Variants in DNMT3B observed in about 807,000 individuals in gnomAD.
DNMT3B encodes the protein DNA (cytosine-5)-methyltransferase 3B.
In DNMT3B, 37 loss-of-function variants were observed where a neutral mutation model predicts 120.2. That is an observed-to-expected ratio of 0.31 (90% CI 0.24 to 0.40). The LOEUF is 0.40. DNMT3B is among the 10% of genes least tolerant of loss of function. The pLI is 1.00. For synonymous variants in DNMT3B, 412 were observed against 442.8 expected, an observed-to-expected ratio of 0.93 and a Z score of 0.87; for missense variants, 878 against 1,137.3, an observed-to-expected ratio of 0.77 and a Z score of 3.28.
At chr20:32,805,197 C>A in intron 20 of DNMT3B, 141 bp from the exon 21 acceptor site, 3 of 1,104,016 alleles carry the variant, frequency 2.7e-6, no homozygotes, top group Non-Finnish European at 4.1e-6. Context: ...TGTGCTCATG[C>A]CAGGATCATT....
At chr20:32,791,810 G>A in intron 8 of DNMT3B, 102 bp downstream of exon 8, 1 of 1,301,654 alleles carries the variant, frequency 7.7e-7, no homozygotes, top group Non-Finnish European at 1.1e-6. Context: ...GTTTGGAGGG[G>A]ACAGGGTGGC....
intron 16 of DNMT3B, 86 bp downstream of exon 16, chr20:32,799,414 C>T: frequency 6.8e-7 from 1 of 1,461,654 alleles, no homozygotes; most frequent in Non-Finnish European, 9.4e-7. Context: ...AGGTGTCTGA[C>T]ATCAGTGGCA....
At position 32,808,019 on chromosome 20, in the gene DNMT3B, TA is replaced by T; in HGVS notation, c.*117del. The T allele has an allele frequency of 6.4e-7, 1 of 1,568,400 alleles. No homozygotes were observed. Among genetic ancestry groups the T allele is most frequent in the Non-Finnish European group, 8.7e-7 (1 of 1,151,144 alleles). On this transcript the variant is annotated 3_prime_UTR_variant, in exon 23 of 23. Coordinates refer to ENST00000328111, the MANE Select transcript of DNMT3B (RefSeq NM_006892.4). Reference sequence around the variant, plus strand: ...CCTCAGCTGTGTGGGTCATACCGTGTACCTCAGTTCCCTCTTGCTCAGTGGG... The same window carrying T: ...CCTCAGCTGTGTGGGTCATACCGTGTCCTCAGTTCCCTCTTGCTCAGTGGG...
At chr20:32,787,134 C>CT in intron 5 of DNMT3B, 96 bp from the exon 6 acceptor site, 2 of 1,442,246 alleles carry the variant, frequency 1.4e-6, no homozygotes, top group Admixed American at 3.3e-5. Flanking sequence ...AGTCTTTCCT[C>CT]TTTCTTTTTG....
chr20:32,788,786 G>A, intron 6 of DNMT3B, 68 bp from the exon 7 acceptor site: 1 of 1,600,258 alleles, frequency 6.2e-7, no homozygotes, highest in Non-Finnish European at 8.6e-7. Flanking sequence ...AGGGACAGTG[G>A]AGTGGACAGG....
chr20:32,766,831 TC>T (rs1369421654), intron 1 of DNMT3B, among the ~76,000 whole-genome samples: 1 of 152,046 alleles, frequency 6.6e-6, no homozygotes, highest in Non-Finnish European at 1.5e-5. Flanking sequence ...ATCCTCCTCA[TC>T]CTCTCAAAGT....
At chr20:32,773,467 AG>A (rs2145870900) in intron 1 of DNMT3B, among the ~76,000 whole-genome samples, 1 of 152,260 alleles carries the variant, frequency 6.6e-6, no homozygotes, top group African/African-American at 2.4e-5. Flanking sequence ...TGTGGTGGGT[AG>A]CCAGATGGCA....
chr20:32,794,528 A>T (rs1980386566), intron 10 of DNMT3B, among the ~76,000 whole-genome samples: 1 of 152,040 alleles, frequency 6.6e-6, no homozygotes, highest in South Asian at 2.1e-4. Flanking sequence ...AAATACAAAA[A>T]TTAGCCAGGT....
At position 32,807,870 on chromosome 20, in the gene DNMT3B, C is replaced by T. The variant is rs147402935; in HGVS notation, c.2529C>T (p.Phe843=). 162 of 1,614,242 alleles carry T rather than the reference C, an allele frequency of 1.0e-4. No homozygotes were observed. The African/African-American group carries it at 1.2e-3, about 12-fold the overall frequency. ...GCGTGCCTGTCATCCGACACCTCTTCGCCCCTCTGAAGGACTACTTTGCAT... is the reference window on the plus strand; with the variant it reads ...GCGTGCCTGTCATCCGACACCTCTTTGCCCCTCTGAAGGACTACTTTGCAT... ...SWSVPVIRHL[F]APLKDYFACE Residue 843 remains phenylalanine, a synonymous_variant, in exon 23 of 23, where the codon TTC becomes TTT. Coordinates refer to ENST00000328111, the MANE Select transcript of DNMT3B (RefSeq NM_006892.4).
At chr20:32,792,501 C>T in intron 8 of DNMT3B, 125 bp from the exon 9 acceptor site, 2 of 1,517,534 alleles carry the variant, frequency 1.3e-6, no homozygotes, top group Non-Finnish European at 9.0e-7. Flanking sequence ...CCCAGGACAG[C>T]TGTCTGGCTA....
rs2086242673 is a variant in DNMT3B at position 32,762,434 on chromosome 20, GC to G, written c.-271del. 1 of 158,194 alleles carries G rather than the reference GC, an allele frequency of 6.3e-6. No individual in the cohort carries two copies. The highest frequency in any genetic ancestry group is 1.4e-5 in the Non-Finnish European group (1 of 73,024). The allele number at this position is 158,194 out of a possible 1,614,324, so 9.8% of individuals were successfully genotyped here. On this transcript the variant is annotated 5_prime_UTR_variant, in exon 1 of 23. Coordinates refer to ENST00000328111, the MANE Select transcript of DNMT3B (RefSeq NM_006892.4). ...CCCGCGCCGCTTCCTCGCAGCAGCT[GC>G]TCCCGGCTCCGCGGCCGCAGCCCGC...
At chr20:32,773,939 T>TTTTTG (rs1601058478) in intron 1 of DNMT3B, among the ~76,000 whole-genome samples, 1 of 141,158 alleles carries the variant, frequency 7.1e-6, no homozygotes, top group Non-Finnish European at 1.5e-5. Flanking sequence ...CAGTGGTTTT[T>TTTTTG]TTTTTTTTTT....
chr20:32,776,806 T>C (rs1265215227), intron 1 of DNMT3B, among the ~76,000 whole-genome samples: 1 of 152,144 alleles, frequency 6.6e-6, no homozygotes, highest in Non-Finnish European at 1.5e-5. Flanking sequence ...TTCCTGGATT[T>C]TGAGCTGTGG....
chr20:32,779,525 C>T (rs1465656164), intron 1 of DNMT3B, among the ~76,000 whole-genome samples: 1 of 152,238 alleles, frequency 6.6e-6, no homozygotes, highest in Non-Finnish European at 1.5e-5. Flanking sequence ...GGCCCTGGCC[C>T]TGTGTGTTAG....
chr20:32,793,630 T>C lies in DNMT3B; in HGVS notation c.1126+35T>C, dbSNP rs1325423007. 7 of 1,606,516 alleles carry C rather than the reference T, an allele frequency of 4.4e-6. No homozygotes were observed. The East Asian group carries it at 1.3e-4, about 31-fold the overall frequency. ...TCCTGTCTTTTGACTGTGCCCTGTT[T>C]TCTATGCACTTTCTTCTGATTTCTT... On this transcript the variant is annotated intron_variant, in intron 10 of 22. Coordinates refer to ENST00000328111, the MANE Select transcript of DNMT3B (RefSeq NM_006892.4).
At chr20:32,782,358 C>G (rs574808115) in intron 3 of DNMT3B, among the ~76,000 whole-genome samples, 3 of 152,198 alleles carry the variant, frequency 2.0e-5, no homozygotes, top group Non-Finnish European at 4.4e-5. Flanking sequence ...GAATAGGTTT[C>G]TACTGAAAAC....
At chr20:32,770,610 CT>C (rs1555833247) in intron 1 of DNMT3B, among the ~76,000 whole-genome samples, 121 of 144,738 alleles carry the variant, frequency 8.4e-4, no homozygotes, top group Non-Finnish European at 9.4e-4. Context: ...CTCCGCCTTA[CT>C]TTTTTTTTTT....
chr20:32,803,536 T>TAG (rs1223910168), intron 20 of DNMT3B, among the ~76,000 whole-genome samples: 2 of 152,234 alleles, frequency 1.3e-5, no homozygotes, highest in African/African-American at 4.8e-5. Context: ...CAGGCACTGT[T>TAG]ACGCTGTTGC....
In DNMT3B at chr20:32,808,086, C is replaced by T. The variant is rs886056620; in HGVS notation, c.*183C>T. ...CTCTTGCAGGGGTAGCCTGAGGTGC[C>T]GCCTCCTTGTGCACAAATCAGACCT... On this transcript the variant is annotated 3_prime_UTR_variant, in exon 23 of 23. Coordinates refer to ENST00000328111, the MANE Select transcript of DNMT3B (RefSeq NM_006892.4). The T allele has an allele frequency of 3.8e-5, 37 of 977,330 alleles. No individual in the cohort carries two copies. The highest frequency in any genetic ancestry group is 5.0e-5 in the Non-Finnish European group (33 of 661,296). The allele number at this position is 977,330 out of a possible 1,614,324, so 60.5% of individuals were successfully genotyped here. A position where few individuals can be genotyped will look rare whatever the true frequency, so the allele number is the denominator to read the frequency against.
Sources: allele counts gnomAD v4.1 joint callset (sites outside exome capture counted in the v4.1 genomes callset), GRCh38; gene constraint gnomAD v4.1.1; transcripts MANE v1.5; gene names NCBI Gene and HGNC (gene_info 2026-07-23, HGNC 2026-07-21).